FMN2: variants seen among roughly 807,000 people sequenced by gnomAD.
The protein encoded by FMN2 is formin-2.
A neutral mutation model predicts 142.3 loss-of-function variants in FMN2; 51 were observed. The ratio of observed to expected loss-of-function variants is 0.36; its 90% CI spans 0.29 to 0.45. The LOEUF (loss-of-function observed/expected upper bound fraction) is 0.45, where lower values mean the gene tolerates loss of function less well. FMN2 is among the 20% of genes least tolerant of loss of function. FMN2 has a pLI of 1.00. For missense variants in FMN2, 1,936 were observed against 2,122.8 expected, an observed-to-expected ratio of 0.91 and a Z score of 1.73; for synonymous variants, 882 against 869.8, an observed-to-expected ratio of 1.01 and a Z score of -0.25.
intron 4 of FMN2, among the ~76,000 whole-genome samples, chr1:240,200,678 G>A (rs904579001): frequency 2.0e-5 from 3 of 152,202 alleles, no homozygotes; most frequent in South Asian, 2.1e-4. Flanking sequence ...AGGGCCGGTC[G>A]GGATTTTAGG....
intron 4 of FMN2, among the ~76,000 whole-genome samples, chr1:240,194,056 TTTGTTGTTG>T (rs138697334): frequency 1.3e-5 from 2 of 152,140 alleles, no homozygotes; most frequent in African/African-American, 4.8e-5. Context: ...TTGTTTGTTT[TTTGTTGTTG>T]TTGTTGTTTT....
intron 15 of FMN2, among the ~76,000 whole-genome samples, chr1:240,403,235 A>G (rs1674048500): frequency 6.6e-6 from 1 of 152,216 alleles, no homozygotes; most frequent in Non-Finnish European, 1.5e-5. Context: ...TTTTAAAGCA[A>G]TTGTTTTCTA....
chr1:240,174,504 G>T (rs2103317002), intron 2 of FMN2, among the ~76,000 whole-genome samples: 1 of 152,216 alleles, frequency 6.6e-6, no homozygotes, highest in African/African-American at 2.4e-5. Flanking sequence ...AAAAGTGTGT[G>T]CCACCATCCC....
At chr1:240,199,284 T>A (rs1316438003) in intron 4 of FMN2, among the ~76,000 whole-genome samples, 1 of 152,230 alleles carries the variant, frequency 6.6e-6, no homozygotes, top group Non-Finnish European at 1.5e-5. Flanking sequence ...TATCTCATGT[T>A]AAAATTTATA....
intron 4 of FMN2, among the ~76,000 whole-genome samples, chr1:240,194,807 T>C (rs1422132072): frequency 1.3e-5 from 2 of 152,220 alleles, no homozygotes; most frequent in African/African-American, 4.8e-5. Context: ...TAAGGCCTAG[T>C]TGAGAAGAGG....
intron 2 of FMN2, among the ~76,000 whole-genome samples, chr1:240,155,721 G>A (rs1485029505): frequency 6.6e-6 from 1 of 151,856 alleles, no homozygotes; most frequent in Non-Finnish European, 1.5e-5. Context: ...AAAGATCAAG[G>A]TTTCTAGTTT....
intron 13 of FMN2, among the ~76,000 whole-genome samples, chr1:240,350,088 T>C (rs968018083): frequency 2.6e-5 from 4 of 152,172 alleles, no homozygotes; most frequent in African/African-American, 7.2e-5. Context: ...ATATTCCTTA[T>C]ATGTAAGCAC....
intron 6 of FMN2, among the ~76,000 whole-genome samples, chr1:240,228,924 A>G (rs757860160): frequency 1.7e-4 from 26 of 152,090 alleles, no homozygotes; most frequent in Non-Finnish European, 4.4e-5. Context: ...CTTTTGATGA[A>G]GAGACTAAAG....
intron 1 of FMN2, among the ~76,000 whole-genome samples, chr1:240,121,017 T>C (rs1015597951): frequency 1.1e-4 from 16 of 152,072 alleles, no homozygotes; most frequent in African/African-American, 2.4e-5. Context: ...AAAAATTAGC[T>C]GGACATAGTG....
chr1:240,307,666 G>T (rs1313769201), intron 8 of FMN2, among the ~76,000 whole-genome samples: 2 of 152,218 alleles, frequency 1.3e-5, no homozygotes, highest in African/African-American at 4.8e-5. Context: ...TAGAAGCCCA[G>T]TAATATGATG....
At chr1:240,351,291 A>G (rs2103040671) in intron 13 of FMN2, among the ~76,000 whole-genome samples, 1 of 152,294 alleles carries the variant, frequency 6.6e-6, no homozygotes, top group South Asian at 2.1e-4. Context: ...GAATTCTAAT[A>G]TTTTGAGCTG....
chr1:240,273,383 G>A (rs552271530), intron 7 of FMN2, among the ~76,000 whole-genome samples: 1 of 152,290 alleles, frequency 6.6e-6, no homozygotes, highest in Admixed American at 6.5e-5. Context: ...TAATTAGCAG[G>A]TGGTGGGGCT....
intron 7 of FMN2, among the ~76,000 whole-genome samples, chr1:240,283,272 G>A (rs1232149495): frequency 1.3e-5 from 2 of 152,162 alleles, no homozygotes; most frequent in African/African-American, 4.8e-5. Flanking sequence ...TAGATGCAGA[G>A]GAGGAAAAGG....
intron 10 of FMN2, 138 bp from the exon 11 acceptor site, chr1:240,330,465 C>A (rs545647695): frequency 1.5e-5 from 12 of 811,624 alleles, no homozygotes; most frequent in East Asian, 1.4e-4. Context: ...TTAAAATATA[C>A]CTAATAATTA....
chr1:240,229,700 C>A (rs1264127076), intron 6 of FMN2, among the ~76,000 whole-genome samples: 1 of 75,166 alleles, frequency 1.3e-5, no homozygotes, highest in Admixed American at 1.1e-4. Flanking sequence ...GACTGGAGTG[C>A]CAGTGGCATG....
intron 2 of FMN2, chr1:240,170,378 C>A (rs1208279967): frequency 1.3e-5 from 16 of 1,196,758 alleles, no homozygotes; most frequent in Non-Finnish European, 2.0e-5. Flanking sequence ...CATGAAGGTG[C>A]TGGAATTGTG....
intron 7 of FMN2, among the ~76,000 whole-genome samples, chr1:240,265,929 TTTTCC>T: frequency 6.6e-6 from 1 of 150,952 alleles, no homozygotes. Flanking sequence ...TTTTTTTTTT[TTTTCC>T]TTTTTTCATT....
intron 2 of FMN2, among the ~76,000 whole-genome samples, chr1:240,145,775 G>T (rs999587682): frequency 4.0e-5 from 6 of 151,870 alleles, no homozygotes; most frequent in African/African-American, 1.5e-4. Flanking sequence ...CTCCCAAAGT[G>T]CTGGAATCAC....
intron 6 of FMN2, among the ~76,000 whole-genome samples, chr1:240,219,681 G>A (rs1667034207): frequency 6.6e-6 from 1 of 151,514 alleles, no homozygotes; most frequent in South Asian, 2.1e-4. Context: ...TTGAGACGGG[G>A]TCTCACTCTG....
Sources: allele counts gnomAD v4.1 joint callset (sites outside exome capture counted in the v4.1 genomes callset), GRCh38; gene constraint gnomAD v4.1.1; transcripts MANE v1.5; gene names NCBI Gene and HGNC (gene_info 2026-07-23, HGNC 2026-07-21).